Variants in NRG3 observed in about 807,000 individuals in gnomAD.
NRG3 encodes the protein pro-neuregulin-3, membrane-bound isoform.
Under a neutral mutation model 66.9 loss-of-function variants are expected in NRG3, and 31 were observed. That is an observed-to-expected ratio of 0.46 (90% confidence interval 0.35 to 0.63). The LOEUF (loss-of-function observed/expected upper bound fraction) is 0.63, where lower values mean the gene tolerates loss of function less well. NRG3 is among the 20% of genes least tolerant of loss of function. The pLI, the probability that NRG3 is intolerant of heterozygous loss-of-function variation, is 0.00. For missense variants in NRG3, 910 were observed against 878.9 expected, an observed-to-expected ratio of 1.04 and a Z score of -0.45; for synonymous variants, 393 against 359.4, an observed-to-expected ratio of 1.09 and a Z score of -1.06.
chr10:82,449,214 A>G (rs746905441), intron 2 of NRG3, among the ~76,000 whole-genome samples: 1 of 152,220 alleles, frequency 6.6e-6, no homozygotes, highest in Non-Finnish European at 1.5e-5. Context: ...GGCAGCAGTC[A>G]GCTTCCCTGG....
chr10:81,963,994 A>G (rs1327517044), intron 1 of NRG3, among the ~76,000 whole-genome samples: 1 of 152,198 alleles, frequency 6.6e-6, no homozygotes, highest in Non-Finnish European at 1.5e-5. Context: ...ATCGTACAAA[A>G]AATACATGAG....
chr10:82,735,016 A>T (rs555423995), intron 2 of NRG3, among the ~76,000 whole-genome samples: 34 of 151,746 alleles, frequency 2.2e-4, no homozygotes, highest in African/African-American at 7.7e-4. Context: ...CAAAAAAAAA[A>T]AGAAAAAAAA....
rs1323599580 is a variant in NRG3, at chr10:82,700,844, T to C, written c.954-37733T>C. ...TAAATAATTGGCCAATTAAATCAAT[T>C]AATTGAAAAATCAGTGATCTTGGAC... On this transcript the variant is annotated intron_variant, in intron 2 of 8. Coordinates refer to ENST00000372141, the MANE Select transcript of NRG3 (RefSeq NM_001010848.4). 2.0e-5 allele frequency among the ~76,000 whole-genome samples: 3 copies of C among 152,088 alleles called. No individual in the cohort carries two copies. The East Asian group carries it at 5.8e-4, about 29-fold the overall frequency.
chr10:82,225,392 A>G (rs1454850990), intron 1 of NRG3: 3 of 152,216 alleles, frequency 2.0e-5, no homozygotes, highest in African/African-American at 7.2e-5. Flanking sequence ...TCTCATGCAC[A>G]TAGCACCTTG....
At chr10:82,160,050 G>A (rs2071471186) in intron 1 of NRG3, among the ~76,000 whole-genome samples, 2 of 151,828 alleles carry the variant, frequency 1.3e-5, no homozygotes, top group African/African-American at 4.8e-5. Flanking sequence ...GTTTGTTTTA[G>A]TGGATATTTA....
intron 1 of NRG3, among the ~76,000 whole-genome samples, chr10:82,120,011 C>T (rs2067983742): frequency 2.6e-5 from 4 of 152,060 alleles, no homozygotes; most frequent in Admixed American, 1.3e-4. Context: ...GAATATGACA[C>T]AGTTACTTCC....
intron 1 of NRG3, among the ~76,000 whole-genome samples, chr10:82,185,098 G>A (rs1375319204): frequency 6.6e-6 from 1 of 152,090 alleles, no homozygotes; most frequent in African/African-American, 2.4e-5. Flanking sequence ...TTTGCAAGAA[G>A]AGAAAACAAG....
At chr10:82,047,030 C>T (rs1193639040) in intron 1 of NRG3, among the ~76,000 whole-genome samples, 2 of 149,870 alleles carry the variant, frequency 1.3e-5, no homozygotes, top group Admixed American at 6.7e-5. Context: ...CTAAAATTCT[C>T]TTTCTTGGTT....
intron 1 of NRG3, among the ~76,000 whole-genome samples, chr10:82,303,834 A>T (rs1386281664): frequency 3.9e-5 from 6 of 151,992 alleles, no homozygotes; most frequent in Non-Finnish European, 5.9e-5. Flanking sequence ...ACCACTGCAC[A>T]CCAGCCTGGG....
At chr10:82,952,368 A>G (rs1005105368) in intron 5 of NRG3, among the ~76,000 whole-genome samples, 14 of 149,616 alleles carry the variant, frequency 9.4e-5, no homozygotes, top group African/African-American at 3.4e-4. Flanking sequence ...GGGAGGTGGA[A>G]GTTGCAGTGA....
chr10:82,173,235 A>T (rs1216454709), intron 1 of NRG3, among the ~76,000 whole-genome samples: 3 of 152,016 alleles, frequency 2.0e-5, no homozygotes, highest in African/African-American at 7.2e-5. Flanking sequence ...ATTTCCTGTT[A>T]AAGGTAAAAA....
intron 4 of NRG3, among the ~76,000 whole-genome samples, chr10:82,894,073 AG>A (rs1201839748): frequency 6.6e-6 from 1 of 152,246 alleles, no homozygotes; most frequent in African/African-American, 2.4e-5. Context: ...AATCTCTTTC[AG>A]AGAATTGCAA....
chr10:82,065,404 T>C (rs1473722811), intron 1 of NRG3, among the ~76,000 whole-genome samples: 3 of 152,184 alleles, frequency 2.0e-5, no homozygotes, highest in Non-Finnish European at 4.4e-5. Flanking sequence ...TTATTGTATA[T>C]CATTGTAGCA....
chr10:82,730,168 T>C (rs2057827637), intron 2 of NRG3, among the ~76,000 whole-genome samples: 1 of 149,378 alleles, frequency 6.7e-6, no homozygotes, highest in African/African-American at 2.5e-5. Flanking sequence ...CAATGCAAGC[T>C]CTGCCTCCCA....
At chr10:82,369,481 G>A (rs2084748348) in intron 2 of NRG3, among the ~76,000 whole-genome samples, 2 of 137,288 alleles carry the variant, frequency 1.5e-5, no homozygotes, top group Non-Finnish European at 3.0e-5. Flanking sequence ...TAAAGTTTTT[G>A]TACTGGTGGG....
chr10:82,388,682 A>G (rs2086166900), intron 2 of NRG3, among the ~76,000 whole-genome samples: 1 of 152,176 alleles, frequency 6.6e-6, no homozygotes, highest in Admixed American at 6.5e-5. Flanking sequence ...TTCATCTTAG[A>G]GCATCCAGAC....
At chr10:82,862,382 G>A (rs1372110694) in intron 3 of NRG3, among the ~76,000 whole-genome samples, 1 of 152,048 alleles carries the variant, frequency 6.6e-6, no homozygotes, top group Non-Finnish European at 1.5e-5. Flanking sequence ...TAGACTCAAG[G>A]TTTAGCTTAT....
chr10:82,647,849 T>A (rs577066781), intron 2 of NRG3, among the ~76,000 whole-genome samples: 51 of 149,784 alleles, frequency 3.4e-4, no homozygotes, highest in African/African-American at 1.2e-3. Context: ...TTTGATGGGG[T>A]TGTTTGTTTT....
chr10:82,201,832 T>C, intron 1 of NRG3, among the ~76,000 whole-genome samples: 1 of 152,202 alleles, frequency 6.6e-6, no homozygotes, highest in South Asian at 2.1e-4. Flanking sequence ...TTACTTCACA[T>C]AAATTTGACA....
Sources: gnomAD v4.1 joint callset for allele counts (sites outside exome capture counted in the v4.1 genomes callset) on GRCh38, gnomAD v4.1.1 for gene constraint, MANE v1.5 for transcripts, NCBI Gene and HGNC (gene_info 2026-07-23, HGNC 2026-07-21) for gene names.